Variants in KCNQ1OT1 observed in about 807,000 individuals in gnomAD.
KCNQ1OT1 encodes KCNQ1 opposite strand/antisense transcript 1, also known as KCNQ1 antisense RNA 2 (non-protein coding).
At chr11:2,662,094 A>T in exon 1 of KCNQ1OT1, 1 of 1,614,146 alleles carries the variant, frequency 6.2e-7, no homozygotes. Flanking sequence ...GAGTGCCTAC[A>T]TGTGCGTGAA....
At chr11:2,660,655 C>T (rs1265666514) in exon 1 of KCNQ1OT1, 8 of 398,500 alleles carry the variant, frequency 2.0e-5, no homozygotes, top group South Asian at 1.3e-4. Flanking sequence ...AACAGCAATG[C>T]CTCAGTTTTC....
In KCNQ1OT1 at chr11:2,668,843, G is replaced by A; in HGVS notation, n.31152C>T. On this transcript the variant is annotated non_coding_transcript_exon_variant, in exon 1 of 1. Coordinates refer to ENST00000597346, the Ensembl canonical transcript of KCNQ1OT1. This position sits in a 1 kb window ranked among gnomAD's most constrained non-coding sequence, Gnocchi z 4.3. Reference sequence around the variant, plus strand: ...ATCAAACATTTCCTCTCTGGATAGGGCTGTTTGTGTCCTATTTAAGAAACT... The same window carrying A: ...ATCAAACATTTCCTCTCTGGATAGGACTGTTTGTGTCCTATTTAAGAAACT... The A allele has an allele frequency of 2.5e-6, 1 of 398,576 alleles. No homozygotes were observed. The highest frequency in any genetic ancestry group is 4.4e-6 in the Non-Finnish European group (1 of 226,066). 24.7% of individuals were successfully genotyped at this position (398,576 alleles called of 1,614,324 possible).
At chr11:2,646,652 A>C (rs1849670527) in exon 1 of KCNQ1OT1, 1 of 398,500 alleles carries the variant, frequency 2.5e-6, no homozygotes, top group African/African-American at 2.1e-5. Context: ...CAGCCTCCTG[A>C]GTAGCTGAAC....
chr11:2,662,290 C>T, exon 1 of KCNQ1OT1: 1 of 613,426 alleles, frequency 1.6e-6, no homozygotes. Flanking sequence ...GAACATGATC[C>T]TCTTGTTTTG....
rs1222233721 is a variant in KCNQ1OT1 at position 2,659,802 on chromosome 11, C to A, written n.40193G>T. On this transcript the variant is annotated non_coding_transcript_exon_variant, in exon 1 of 1. Coordinates refer to ENST00000597346, the Ensembl canonical transcript of KCNQ1OT1. The surrounding 1 kb of genome is among the most constrained non-coding windows in gnomAD (Gnocchi z 4.3). Reference sequence around the variant, plus strand: ...ATTTTTTTTTTAATTTATGGAATTTCATTGTGATTCTAATTTGCATTTCCA... The same window carrying A: ...ATTTTTTTTTTAATTTATGGAATTTAATTGTGATTCTAATTTGCATTTCCA... 1 of 398,102 alleles carries A rather than the reference C, an allele frequency of 2.5e-6. No individual in the cohort carries two copies. The highest frequency in any genetic ancestry group is 4.4e-6 in the Non-Finnish European group (1 of 225,962). The allele number at this position is 398,102 out of a possible 1,614,324, so 24.7% of individuals were successfully genotyped here.
exon 1 of KCNQ1OT1, chr11:2,697,829 T>G: frequency 2.5e-6 from 1 of 398,660 alleles, no homozygotes; most frequent in Non-Finnish European, 4.4e-6. Flanking sequence ...ATAGTTTTCT[T>G]GTGCTTTCTA....
At chr11:2,644,193 T>G (rs1288497548) in exon 1 of KCNQ1OT1, 1 of 398,568 alleles carries the variant, frequency 2.5e-6, no homozygotes, top group East Asian at 3.6e-5. Context: ...TTATAATCTT[T>G]TGGTTTGCTC....
Position 2,645,654 on chromosome 11 carries a change from G to T in KCNQ1OT1, n.54341C>A. 1 of 398,776 alleles carries T rather than the reference G, an allele frequency of 2.5e-6. No homozygotes were observed. The highest frequency in any genetic ancestry group is 3.6e-5 in the East Asian group (1 of 28,074). The allele number at this position is 398,776 out of a possible 1,614,324, so 24.7% of individuals were successfully genotyped here. ...TCCTCATGGCAGCCTTGCTTCGGAG[G>T]TAGCAGAGTATTGCCAATGGCTCAT... is the stretch of plus-strand genomic sequence containing the variant. On this transcript the variant is annotated non_coding_transcript_exon_variant, in exon 1 of 1. Transcript: ENST00000597346. This position sits in a 1 kb window ranked among gnomAD's most constrained non-coding sequence, Gnocchi z 5.8.
At position 2,645,287 on chromosome 11, in the gene KCNQ1OT1, C is replaced by T; in HGVS notation, n.54708G>A. 7.5e-6 allele frequency: 3 copies of T among 398,646 alleles called. No individual in the cohort carries two copies. The highest frequency in any genetic ancestry group is 8.8e-6 in the Non-Finnish European group (2 of 226,158). The allele number at this position is 398,646 out of a possible 1,614,324, so 24.7% of individuals were successfully genotyped here. On this transcript the variant is annotated non_coding_transcript_exon_variant, in exon 1 of 1. Coordinates refer to ENST00000597346, the Ensembl canonical transcript of KCNQ1OT1. This position sits in a 1 kb window ranked among gnomAD's most constrained non-coding sequence, Gnocchi z 5.8. ...TCAGTTGGGTAGGGCAGTCCTCAAG[C>T]CCCCAGGAGTGCTCAGGTGCCAACA...
At chr11:2,615,849 G>C in exon 1 of KCNQ1OT1, 1 of 397,946 alleles carries the variant, frequency 2.5e-6, no homozygotes, top group Non-Finnish European at 4.4e-6. Context: ...TATTTGTCTG[G>C]CTTTGGAATC....
chr11:2,662,098 G>T lies in KCNQ1OT1; in HGVS notation n.37897C>A, dbSNP rs199795287. ...CATCTCACAGTGAGTGCCTACATGT[G>T]CGTGAAGGGCTGGGCTGGAGGGGAC... On this transcript the variant is annotated non_coding_transcript_exon_variant, in exon 1 of 1. Transcript: ENST00000597346. The T allele has an allele frequency of 6.2e-7, 1 of 1,614,144 alleles. No homozygotes were observed. Among genetic ancestry groups the T allele is most frequent in the African/African-American group, 1.3e-5 (1 of 75,062 alleles).
rs539412414 is a variant in KCNQ1OT1, at chr11:2,652,707, G to A, written n.47288C>T. On this transcript the variant is annotated non_coding_transcript_exon_variant, in exon 1 of 1. Coordinates refer to ENST00000597346, the Ensembl canonical transcript of KCNQ1OT1. The surrounding 1 kb of genome is among the most constrained non-coding windows in gnomAD (Gnocchi z 5.9). The stretch of plus-strand genomic sequence containing the variant: ...TGGGTGGCTGTGTTGCTCTCTTTCC[G>A]TTTCCTGGGCTCACTCACGCTCAGG... The A allele has an allele frequency of 6.3e-5, 25 of 398,828 alleles. No homozygotes were observed. The highest frequency in any genetic ancestry group is 3.8e-4 in the South Asian group (3 of 7,848). 24.7% of individuals were successfully genotyped at this position (398,828 alleles called of 1,614,324 possible). A position where few individuals can be genotyped will look rare whatever the true frequency, so the allele number is the denominator to read the frequency against.
rs562579708 is a variant in KCNQ1OT1, at chr11:2,661,992, C to T, written n.38003G>A. 6 of 1,614,214 alleles carry T rather than the reference C, an allele frequency of 3.7e-6. No homozygotes were observed. In the East Asian group the frequency reaches 6.7e-5, roughly 18 times the overall value. The stretch of plus-strand genomic sequence containing the variant: ...AGAGCCCAACACTGCTGGAAGTGAG[C>T]ATGCCCCATTTCATGAGAACCAACA... On this transcript the variant is annotated non_coding_transcript_exon_variant, in exon 1 of 1. Transcript: ENST00000597346. This position sits in a 1 kb window ranked among gnomAD's most constrained non-coding sequence, Gnocchi z 5.9.
exon 1 of KCNQ1OT1, chr11:2,685,926 G>A (rs1041390214): frequency 1.0e-5 from 4 of 398,594 alleles, no homozygotes; most frequent in African/African-American, 4.1e-5. Context: ...CCAAGTTCTG[G>A]GCCCACTCTC....
chr11:2,674,706 A>G lies in KCNQ1OT1; in HGVS notation n.25289T>C, dbSNP rs553229288. 1 of 396,994 alleles carries G rather than the reference A, an allele frequency of 2.5e-6. No homozygotes were observed. The allele number at this position is 396,994 out of a possible 1,614,324, so 24.6% of individuals were successfully genotyped here. On this transcript the variant is annotated non_coding_transcript_exon_variant, in exon 1 of 1. Transcript: ENST00000597346. The surrounding 1 kb of genome is among the most constrained non-coding windows in gnomAD (Gnocchi z 5.9). ...GTTGAACCTTAAACCTTTCCTGATG[A>G]CTCCTTCCTTCTGAACTTAACTCGT...
chr11:2,609,596 C>G (rs1198568437), exon 1 of KCNQ1OT1: 4 of 398,274 alleles, frequency 1.0e-5, no homozygotes, highest in Admixed American at 4.4e-5. Flanking sequence ...CTTTCTTGTA[C>G]TACACATTAT....
At position 2,699,100 on chromosome 11, in the gene KCNQ1OT1, C is replaced by A. The variant is rs1474428194; in HGVS notation, n.895G>T. ...GGATTCCCAACTTCCATCCCAATAG[C>A]GCGGACTCAGAACCACGATGCGGAT... On this transcript the variant is annotated non_coding_transcript_exon_variant, in exon 1 of 1. Transcript: ENST00000597346. 6.3e-5 allele frequency: 25 copies of A among 398,532 alleles called. No individual in the cohort carries two copies. The East Asian group carries it at 8.2e-4, about 13-fold the overall frequency. 24.7% of individuals were successfully genotyped at this position (398,532 alleles called of 1,614,324 possible).
exon 1 of KCNQ1OT1, chr11:2,689,168 GCTC>G (rs1850547252): frequency 2.5e-6 from 1 of 398,776 alleles, no homozygotes; most frequent in Non-Finnish European, 4.4e-6. Context: ...TCAAGGGCCT[GCTC>G]CTCCTCCTTT....
At chr11:2,650,252 A>T (rs894005887) in exon 1 of KCNQ1OT1, 3 of 398,162 alleles carry the variant, frequency 7.5e-6, no homozygotes, top group Admixed American at 4.4e-5. Context: ...TTTCCTTAAG[A>T]TTTCCTTTAC....
Sources: gnomAD v4.1 joint callset for allele counts on GRCh38, gnomAD v4.1.1 for gene constraint, Gnocchi (gnomAD v3.1) non-coding constraint, MANE v1.5 for transcripts, NCBI Gene and HGNC (gene_info 2026-07-23, HGNC 2026-07-21) for gene names.